The following CTIF variants were observed in gnomAD, a reference collection of about 807,000 sequenced individuals.
CTIF encodes cap binding complex dependent translation initiation factor, also known as CBP80/20-dependent translation initiation factor.
CTIF carries 21 observed loss-of-function variants against 66.0 expected under a neutral mutation model. The observed-to-expected ratio is 0.32, with a 90% CI of 0.23 to 0.46. CTIF has a LOEUF of 0.46. Ranked by LOEUF, CTIF falls within the 20% of genes least tolerant of loss-of-function variation. The pLI is 1.00. For missense variants in CTIF, 739 were observed against 812.7 expected, an observed-to-expected ratio of 0.91 and a Z score of 1.10; for synonymous variants, 345 against 326.4, an observed-to-expected ratio of 1.06 and a Z score of -0.62.
intron 3 of CTIF, among the ~76,000 whole-genome samples, chr18:48,651,105 G>C (rs2091147602): frequency 6.6e-6 from 1 of 152,158 alleles, no homozygotes; most frequent in South Asian, 2.1e-4. Context: ...AAAATAACCA[G>C]CTAACATCAT....
chr18:48,768,128 G>A (rs536064342), intron 9 of CTIF, among the ~76,000 whole-genome samples: 47 of 152,184 alleles, frequency 3.1e-4, no homozygotes, highest in African/African-American at 1.1e-3. Flanking sequence ...GGAAAACCTC[G>A]TTCTCTTGTG....
intron 1 of CTIF, among the ~76,000 whole-genome samples, chr18:48,594,082 T>C (rs1599206798): frequency 7.2e-6 from 1 of 138,758 alleles, no homozygotes; most frequent in East Asian, 2.6e-4. Context: ...ATCTGCCCCC[T>C]TCCCCCACTC....
At chr18:48,739,739 C>T (rs771387083) in intron 7 of CTIF, among the ~76,000 whole-genome samples, 4 of 152,228 alleles carry the variant, frequency 2.6e-5, no homozygotes, top group Non-Finnish European at 5.9e-5. Context: ...TGGGGCACAG[C>T]TCTGTCATAC....
chr18:48,632,875 G>A (rs1006571187), intron 2 of CTIF, among the ~76,000 whole-genome samples: 6 of 152,142 alleles, frequency 3.9e-5, no homozygotes, highest in Non-Finnish European at 5.9e-5. Flanking sequence ...GCCCCACACA[G>A]AAGGCACTCA....
intron 8 of CTIF, among the ~76,000 whole-genome samples, chr18:48,759,874 T>C (rs1908788139): frequency 1.3e-5 from 2 of 152,222 alleles, no homozygotes; most frequent in African/African-American, 4.8e-5. Flanking sequence ...TGAGGCCTCC[T>C]GAACTCCTGG....
intron 1 of CTIF, among the ~76,000 whole-genome samples, chr18:48,587,460 T>C (rs983161032): frequency 1.3e-5 from 2 of 151,996 alleles, no homozygotes; most frequent in African/African-American, 4.8e-5. Flanking sequence ...CAGCTACCAC[T>C]GTGGGCATCA....
intron 7 of CTIF, among the ~76,000 whole-genome samples, chr18:48,742,289 C>T (rs1367761379): frequency 6.6e-6 from 1 of 152,116 alleles, no homozygotes; most frequent in Admixed American, 6.5e-5. Flanking sequence ...CGTGGGTGCT[C>T]ATAGGGGAAA....
rs188393876 is a variant in CTIF at position 48,666,969 on chromosome 18, G to A, written c.431+2418G>A. Among the ~76,000 whole-genome samples, 12 of 152,228 alleles carry A rather than the reference G, an allele frequency of 7.9e-5. No homozygotes were observed. The East Asian group carries it at 1.4e-3, about 17-fold the overall frequency. On this transcript the variant is annotated intron_variant, in intron 5 of 11. Coordinates refer to ENST00000256413, the MANE Select transcript of CTIF (RefSeq NM_014772.3). ...TGTCCTGTTGCAACAGTGTAGCGGA[G>A]CTTGGGTATGCCACAGGAATAGGAG...
At chr18:48,565,543 C>G (rs1009102406) in intron 1 of CTIF, 1 of 152,174 alleles carries the variant, frequency 6.6e-6, no homozygotes, top group African/African-American at 2.4e-5. Context: ...TCCTCTGACC[C>G]TCCATCTTAT....
intron 7 of CTIF, among the ~76,000 whole-genome samples, chr18:48,756,802 GT>G (rs2145853910): frequency 6.6e-6 from 1 of 152,336 alleles, no homozygotes; most frequent in East Asian, 1.9e-4. Flanking sequence ...CAACTCAAAA[GT>G]TTGGGGTTTG....
At chr18:48,602,431 G>A (rs1216230824) in intron 1 of CTIF, among the ~76,000 whole-genome samples, 1 of 152,184 alleles carries the variant, frequency 6.6e-6, no homozygotes, top group Non-Finnish European at 1.5e-5. Flanking sequence ...GCCTGCGTGA[G>A]CAATTTGTCT....
chr18:48,549,634 G>T (rs2088836457), intron 1 of CTIF, among the ~76,000 whole-genome samples: 1 of 152,200 alleles, frequency 6.6e-6, no homozygotes, highest in African/African-American at 2.4e-5. Context: ...GCGTCCAAAG[G>T]CAGGCAGGAA....
intron 6 of CTIF, among the ~76,000 whole-genome samples, chr18:48,706,906 A>G (rs1265852998): frequency 1.3e-5 from 2 of 152,220 alleles, no homozygotes; most frequent in Non-Finnish European, 2.9e-5. Context: ...AGTTACCGGA[A>G]GTGGTCAGAT....
At chr18:48,845,927 G>A (rs2069061207) in intron 10 of CTIF, among the ~76,000 whole-genome samples, 2 of 152,016 alleles carry the variant, frequency 1.3e-5, no homozygotes, top group Admixed American at 1.3e-4. Context: ...CTTAATTCAA[G>A]CCACCCCAAT....
At chr18:48,609,195 A>G (rs2090262692) in intron 1 of CTIF, among the ~76,000 whole-genome samples, 1 of 152,166 alleles carries the variant, frequency 6.6e-6, no homozygotes, top group African/African-American at 2.4e-5. Flanking sequence ...CTGAGGCCCA[A>G]GGAGGACTCA....
intron 9 of CTIF, among the ~76,000 whole-genome samples, chr18:48,787,204 G>A (rs187446019): frequency 1.2e-3 from 187 of 152,034 alleles, no homozygotes; most frequent in Admixed American, 0.01. Context: ...TACTATTTGC[G>A]AGGGATAGGG....
At chr18:48,641,724 ATC>A (rs1463593558) in intron 3 of CTIF, among the ~76,000 whole-genome samples, 1 of 152,138 alleles carries the variant, frequency 6.6e-6, no homozygotes, top group African/African-American at 2.4e-5. Flanking sequence ...CTCTCCAGAA[ATC>A]TCTGTTTGCA....
intron 10 of CTIF, among the ~76,000 whole-genome samples, chr18:48,827,691 C>A (rs1332121187): frequency 6.6e-6 from 1 of 152,164 alleles, no homozygotes; most frequent in Admixed American, 6.5e-5. Context: ...GGCCAGGTAC[C>A]CAGCCCCTGG....
intron 7 of CTIF, among the ~76,000 whole-genome samples, chr18:48,730,916 TC>T (rs1361363158): frequency 6.6e-6 from 1 of 152,062 alleles, no homozygotes; most frequent in African/African-American, 2.4e-5. Flanking sequence ...TAGGACGTTT[TC>T]ATCATGGCAA....
Sources: gnomAD v4.1 joint callset for allele counts (sites outside exome capture counted in the v4.1 genomes callset) on GRCh38, gnomAD v4.1.1 for gene constraint, MANE v1.5 for transcripts, NCBI Gene and HGNC (gene_info 2026-07-23, HGNC 2026-07-21) for gene names.